The following HEATR5A variants were observed in gnomAD, a reference collection of about 807,000 sequenced individuals.
HEATR5A encodes HEAT repeat-containing protein 5A.
Under a neutral mutation model 218.8 loss-of-function variants are expected in HEATR5A, and 178 were observed. That is an observed-to-expected ratio of 0.81 (90% CI 0.72 to 0.92). The LOEUF is 0.92. Among genes scored for constraint, HEATR5A ranks in the 40% least tolerant of loss-of-function variants. The pLI is 0.00. For synonymous variants in HEATR5A, 864 were observed against 871.6 expected, an observed-to-expected ratio of 0.99 and a Z score of 0.15; for missense variants, 2,420 against 2,418.9, an observed-to-expected ratio of 1.00 and a Z score of -0.01.
chr14:31,369,201 GTGGGAGGATCACTTAAGCC>G (rs375342271), intron 13 of HEATR5A, among the ~76,000 whole-genome samples: 182 of 150,506 alleles, frequency 1.2e-3, no homozygotes, highest in Middle Eastern at 3.4e-3. Flanking sequence ...GGAGGCTTAC[GTGGGAGGATCACTTAAGCC>G]TGGGAGGATC....
chr14:31,371,778 G>A, intron 13 of HEATR5A, 32 bp downstream of exon 13: 1 of 1,045,998 alleles, frequency 9.6e-7, no homozygotes, highest in Non-Finnish European at 1.4e-6. Context: ...TAATCAGAGG[G>A]CAACTATCAA....
At chr14:31,308,244 ACACCTGTAATCCCAG>A (rs1899617313) in intron 29 of HEATR5A, among the ~76,000 whole-genome samples, 1 of 152,184 alleles carries the variant, frequency 6.6e-6, no homozygotes, top group Non-Finnish European at 1.5e-5. Context: ...ATGGTGGCTC[ACACCTGTAATCCCAG>A]CACTTTGGGA....
At chr14:31,319,757 A>G (rs1011398582) in intron 25 of HEATR5A, among the ~76,000 whole-genome samples, 10 of 152,134 alleles carry the variant, frequency 6.6e-5, no homozygotes, top group Non-Finnish European at 8.8e-5. Flanking sequence ...AGAAACCTGA[A>G]TCCTTGGGCT....
chr14:31,329,507 T>A (rs1457191965), intron 22 of HEATR5A, among the ~76,000 whole-genome samples: 1 of 152,170 alleles, frequency 6.6e-6, no homozygotes, highest in East Asian at 1.9e-4. Flanking sequence ...TCCGAAGTGA[T>A]CTCCTTTGAT....
intron 33 of HEATR5A, 89 bp from the exon 34 acceptor site, chr14:31,296,152 G>T: frequency 9.6e-7 from 1 of 1,044,570 alleles, no homozygotes; most frequent in Non-Finnish European, 1.4e-6. Flanking sequence ...GTAACAGTTT[G>T]GTGTACACAA....
chr14:31,317,815 T>G (rs1305292265), intron 26 of HEATR5A, among the ~76,000 whole-genome samples: 2 of 152,232 alleles, frequency 1.3e-5, no homozygotes, highest in Non-Finnish European at 2.9e-5. Context: ...CAGGTACTTG[T>G]ATAACATTGC....
chr14:31,357,197 CT>C (rs2139228371), intron 16 of HEATR5A, among the ~76,000 whole-genome samples: 1 of 152,272 alleles, frequency 6.6e-6, no homozygotes, highest in East Asian at 1.9e-4. Flanking sequence ...AAAACACTAT[CT>C]TTTGAAACTG....
Position 31,317,294 on chromosome 14 carries a change from A to AT in HEATR5A, c.4038+929dup, listed in dbSNP as rs35394095. Among the ~76,000 whole-genome samples the AT allele has an allele frequency of 5.6e-3, 357 of 64,168 alleles. 29 individuals carry two copies. Among genetic ancestry groups the AT allele is most frequent in the African/African-American group, 0.021 (323 of 15,604 alleles). 42.1% of individuals were successfully genotyped at this position (64,168 alleles called of 152,430 possible). A position where few individuals can be genotyped will look rare whatever the true frequency, so the allele number is the denominator to read the frequency against. Reference sequence around the variant, plus strand: ...ATTAGTTCAGGTCATCCCGGGCTAGATTTTTTTTTTTTTTTTTTTTTTTTT... The same window carrying AT: ...ATTAGTTCAGGTCATCCCGGGCTAGATTTTTTTTTTTTTTTTTTTTTTTTTT... On this transcript the variant is annotated intron_variant, in intron 26 of 35. Transcript: ENST00000543095.
chr14:31,305,464 T>G (rs1899527328), intron 31 of HEATR5A, among the ~76,000 whole-genome samples: 1 of 152,140 alleles, frequency 6.6e-6, no homozygotes, highest in Admixed American at 6.5e-5. Flanking sequence ...GGTTTCACCA[T>G]GTTGGTCAGG....
chr14:31,382,181 T>G (rs1255601179), intron 10 of HEATR5A, among the ~76,000 whole-genome samples: 3 of 152,194 alleles, frequency 2.0e-5, no homozygotes, highest in African/African-American at 7.2e-5. Context: ...GAGAATAGGT[T>G]TAATTAAATA....
rs191942750 is a variant in HEATR5A, at chr14:31,313,346, C to T, written c.4219-156G>A. On this transcript the variant is annotated intron_variant, in intron 27 of 35. Transcript: ENST00000543095. Reference sequence around the variant, plus strand: ...GAAGGCCTGTCTGTGTAACTACACACAGAAAACTGGGGTAGAAAGAGTCAA... The same window carrying T: ...GAAGGCCTGTCTGTGTAACTACACATAGAAAACTGGGGTAGAAAGAGTCAA... Among the ~76,000 whole-genome samples, 26 of 152,232 alleles carry T rather than the reference C, an allele frequency of 1.7e-4. No homozygotes were observed. In the East Asian group the frequency reaches 4.6e-3, roughly 27 times the overall value.
At chr14:31,326,920 C>G (rs1052903162) in intron 22 of HEATR5A, among the ~76,000 whole-genome samples, 15 of 151,634 alleles carry the variant, frequency 9.9e-5, no homozygotes, top group Non-Finnish European at 1.9e-4. Context: ...GCTGAGATTA[C>G]AGGTGTGAGC....
chr14:31,405,260 C>A (rs995546510), intron 1 of HEATR5A, among the ~76,000 whole-genome samples: 1 of 151,804 alleles, frequency 6.6e-6, no homozygotes, highest in Non-Finnish European at 1.5e-5. Flanking sequence ...ACGGCAAAAC[C>A]CCATCTCTAC....
At chr14:31,342,176 C>G (rs1475873587) in intron 21 of HEATR5A, among the ~76,000 whole-genome samples, 3 of 151,990 alleles carry the variant, frequency 2.0e-5, no homozygotes, top group Admixed American at 2.0e-4. Context: ...GGCTTGAGAC[C>G]AGAAGTTCAA....
chr14:31,321,582 G>C lies in HEATR5A; in HGVS notation c.3886C>G (p.Leu1296Val), dbSNP rs768232333. Reference protein sequence around the residue: ...DQLRLSGLEMLLVVIRRFATV... With the variant: ...DQLRLSGLEMVLVVIRRFATV... ...GCAAATCGCCGAATAACAACTAACA[G>C]CATTTCAAGGCCAGAAAGACGGAGC... The change falls in exon 25 of 36, where the codon CTG becomes GTG. Residue 1296 changes from leucine (L) to valine (V), a missense_variant. Leu to Val is a conservative substitution (Grantham distance 32). Transcript: ENST00000543095. The C allele has an allele frequency of 6.2e-7, 1 of 1,608,540 alleles. No homozygotes were observed. Among genetic ancestry groups the C allele is most frequent in the Non-Finnish European group, 8.5e-7 (1 of 1,177,602 alleles).
At chr14:31,369,999 C>T (rs901368396) in intron 13 of HEATR5A, among the ~76,000 whole-genome samples, 9 of 149,060 alleles carry the variant, frequency 6.0e-5, no homozygotes, top group Middle Eastern at 3.5e-3. Context: ...GAGGCCGAGA[C>T]AGGCGGATAA....
chr14:31,315,747 G>A, intron 27 of HEATR5A, 23 bp downstream of exon 27: 1 of 1,527,410 alleles, frequency 6.5e-7, no homozygotes, highest in East Asian at 2.3e-5. Context: ...CAAAATTCCA[G>A]TTACAAATTA....
At position 31,400,387 on chromosome 14, in the gene HEATR5A, G is replaced by A. The variant is rs1218907127; in HGVS notation, c.252C>T (p.Asp84=). Residue 84 remains aspartate (D), a synonymous_variant, in exon 3 of 36, where the codon GAC becomes GAT. Coordinates refer to ENST00000543095, the MANE Select transcript of HEATR5A (RefSeq NM_015473.4). ...CGATTGCTTCATGAACGGAGAATGT[G>A]TCTCCAATACTATAAAGTATGGCTA... ...KNLAILYSIG[D]TFSVHEAIDK... The A allele has an allele frequency of 6.5e-7, 1 of 1,535,066 alleles. No individual in the cohort carries two copies. The highest frequency in any genetic ancestry group is 1.4e-5 in the African/African-American group (1 of 72,982).
intron 25 of HEATR5A, among the ~76,000 whole-genome samples, chr14:31,319,246 G>A (rs552960277): frequency 6.6e-6 from 1 of 151,900 alleles, no homozygotes; most frequent in African/African-American, 2.4e-5. Flanking sequence ...TCCACCTTCT[G>A]GGTTCAAGTG....
Sources: allele counts gnomAD v4.1 joint callset (sites outside exome capture counted in the v4.1 genomes callset), GRCh38; gene constraint gnomAD v4.1.1; transcripts MANE v1.5; gene names NCBI Gene and HGNC (gene_info 2026-07-23, HGNC 2026-07-21).